Variants in PARD3B observed in about 807,000 individuals in gnomAD.
PARD3B encodes the protein par-3 family cell polarity regulator beta.
A neutral mutation model predicts 130.2 loss-of-function variants in PARD3B; 103 were observed. The observed-to-expected ratio is 0.79, with a 90% CI of 0.67 to 0.93. PARD3B has a LOEUF of 0.93. PARD3B is among the 40% of genes least tolerant of loss of function. The pLI is 0.00. For synonymous variants in PARD3B, 583 were observed against 553.2 expected (o/e 1.05, Z -0.76); for missense variants, 1,609 against 1,499.2 (o/e 1.07, Z -1.21).
chr2:205,218,796 G>T (rs187425902), intron 15 of PARD3B, among the ~76,000 whole-genome samples: 43 of 152,054 alleles, frequency 2.8e-4, no homozygotes, highest in African/African-American at 9.6e-4. Flanking sequence ...ATTACTGCCT[G>T]TGGCTGGGCA....
At chr2:205,364,873 T>C (rs1049347303) in intron 18 of PARD3B, among the ~76,000 whole-genome samples, 21 of 152,244 alleles carry the variant, frequency 1.4e-4, no homozygotes, top group Admixed American at 1.3e-3. Context: ...ACTGGTAGTT[T>C]TTAAGTCTTT....
Position 205,516,563 on chromosome 2 carries a change from C to A in PARD3B, c.3180+16532C>A, listed in dbSNP as rs59233252. Among the ~76,000 whole-genome samples, 1,127 of 152,210 alleles carry A rather than the reference C, an allele frequency of 7.4e-3. 13 individuals carry two copies. The highest frequency in any genetic ancestry group is 0.024 in the African/African-American group (1,013 of 41,542). On this transcript the variant is annotated intron_variant, in intron 21 of 22. Coordinates refer to ENST00000406610, the MANE Select transcript of PARD3B (RefSeq NM_001302769.2). ...GAATGGGATTGCCTTTCTGATTTGG[C>A]TCTCATCTTAGCTGTTGTTGGCATA...
intron 22 of PARD3B, among the ~76,000 whole-genome samples, chr2:205,612,508 C>T (rs981126469): frequency 6.6e-6 from 1 of 152,120 alleles, no homozygotes; most frequent in African/African-American, 2.4e-5. Context: ...AGAAGTTGTT[C>T]TGACAAAAGT....
chr2:205,336,817 A>G (rs2043329425), intron 18 of PARD3B, among the ~76,000 whole-genome samples: 1 of 152,140 alleles, frequency 6.6e-6, no homozygotes, highest in African/African-American at 2.4e-5. Context: ...AAAAATGGCC[A>G]CTTTTAAGAA....
intron 2 of PARD3B, among the ~76,000 whole-genome samples, chr2:204,777,452 A>C (rs1360983471): frequency 6.6e-6 from 1 of 152,168 alleles, no homozygotes; most frequent in African/African-American, 2.4e-5. Context: ...GGTGACTAAG[A>C]ACATGTGTTA....
chr2:205,285,788 G>T (rs1287433396), intron 16 of PARD3B, among the ~76,000 whole-genome samples: 1 of 152,040 alleles, frequency 6.6e-6, no homozygotes, highest in Non-Finnish European at 1.5e-5. Flanking sequence ...CACCTTGTTT[G>T]GGATGCTTTT....
intron 3 of PARD3B, among the ~76,000 whole-genome samples, chr2:204,988,398 A>G (rs1693362995): frequency 6.6e-6 from 1 of 152,212 alleles, no homozygotes; most frequent in African/African-American, 2.4e-5. Context: ...TATAAAAAAT[A>G]GAATGAATAA....
intron 3 of PARD3B, among the ~76,000 whole-genome samples, chr2:204,968,986 C>G (rs236840): frequency 0.25 from 37,861 of 152,094 alleles, 5,469 homozygotes; most frequent in East Asian, 0.63. Context: ...TGCTGAATGA[C>G]TGAACCCTGG....
intron 2 of PARD3B, among the ~76,000 whole-genome samples, chr2:204,850,038 C>G (rs2044646139): frequency 6.6e-6 from 1 of 152,130 alleles, no homozygotes. Flanking sequence ...TACATGTCTA[C>G]AAGTCTTTTG....
At chr2:204,822,748 CTACT>C (rs1490674129) in intron 2 of PARD3B, among the ~76,000 whole-genome samples, 1 of 152,084 alleles carries the variant, frequency 6.6e-6, no homozygotes, top group Non-Finnish European at 1.5e-5. Context: ...CATATTTTTC[CTACT>C]TACTTCTTTG....
chr2:205,018,419 TTAG>T (rs1314560658), intron 3 of PARD3B, among the ~76,000 whole-genome samples: 1 of 152,120 alleles, frequency 6.6e-6, no homozygotes, highest in Non-Finnish European at 1.5e-5. Flanking sequence ...ATTCTACCAC[TTAG>T]TAGCCCTATG....
At chr2:204,747,588 T>C (rs964775493) in intron 2 of PARD3B, among the ~76,000 whole-genome samples, 17 of 152,044 alleles carry the variant, frequency 1.1e-4, no homozygotes, top group Admixed American at 5.2e-4. Flanking sequence ...CCAAAGTTCA[T>C]ATGGAACCAA....
chr2:205,506,364 T>C (rs754674917), intron 21 of PARD3B, among the ~76,000 whole-genome samples: 125 of 152,160 alleles, frequency 8.2e-4, no homozygotes, highest in Admixed American at 1.7e-3. Context: ...AAAATTGTGC[T>C]ATATCTCTCT....
At chr2:204,837,026 C>G (rs2044060936) in intron 2 of PARD3B, among the ~76,000 whole-genome samples, 4 of 152,094 alleles carry the variant, frequency 2.6e-5, no homozygotes, top group African/African-American at 7.2e-5. Context: ...TTTTTAAAAT[C>G]ACACTTTTGA....
chr2:204,765,162 T>A (rs1041862461), intron 2 of PARD3B, among the ~76,000 whole-genome samples: 1 of 152,212 alleles, frequency 6.6e-6, no homozygotes, highest in Admixed American at 6.5e-5. Context: ...TCAGTACATT[T>A]GTTTCACTGA....
chr2:204,912,784 G>A (rs1466995320), intron 2 of PARD3B, among the ~76,000 whole-genome samples: 1 of 152,144 alleles, frequency 6.6e-6, no homozygotes, highest in African/African-American at 2.4e-5. Flanking sequence ...TAAGAAATGT[G>A]TGGATTCTTC....
chr2:205,486,560 T>C (rs2106305604), intron 20 of PARD3B, among the ~76,000 whole-genome samples: 1 of 152,238 alleles, frequency 6.6e-6, no homozygotes, highest in South Asian at 2.1e-4. Flanking sequence ...CATCTGCCTC[T>C]GGGGAGGCCT....
intron 15 of PARD3B, among the ~76,000 whole-genome samples, chr2:205,237,896 C>T (rs2039141641): frequency 6.6e-6 from 1 of 152,108 alleles, no homozygotes; most frequent in African/African-American, 2.4e-5. Flanking sequence ...GAATTGGACC[C>T]CAATTACCTT....
At chr2:204,842,560 T>C (rs561749743) in intron 2 of PARD3B, among the ~76,000 whole-genome samples, 1 of 152,274 alleles carries the variant, frequency 6.6e-6, no homozygotes, top group African/African-American at 2.4e-5. Flanking sequence ...ATAAATAAAT[T>C]TCTTTTAAAT....
Sources: allele counts gnomAD v4.1 joint callset (sites outside exome capture counted in the v4.1 genomes callset), GRCh38; gene constraint gnomAD v4.1.1; transcripts MANE v1.5; gene names NCBI Gene and HGNC (gene_info 2026-07-23, HGNC 2026-07-21).